The following NR3C2 variants were observed in gnomAD, a reference collection of about 807,000 sequenced individuals.
NR3C2 encodes the protein nuclear receptor subfamily 3 group C member 2, also known as mineralocorticoid receptor.
A neutral mutation model predicts 86.4 loss-of-function variants in NR3C2; 15 were observed. The observed-to-expected ratio is 0.17, with a 90% CI of 0.12 to 0.27. The LOEUF (loss-of-function observed/expected upper bound fraction) is 0.27, where lower values mean the gene tolerates loss of function less well. NR3C2 is among the 10% of genes least tolerant of loss of function. NR3C2 has a pLI of 1.00. For missense variants in NR3C2, 960 were observed against 1,195.6 expected (o/e 0.80, Z 2.91); for synonymous variants, 458 against 450.5 (o/e 1.02, Z -0.21).
chr4:148,104,291 T>C (rs1731677190), intron 8 of NR3C2, among the ~76,000 whole-genome samples: 1 of 149,612 alleles, frequency 6.7e-6, no homozygotes, highest in Non-Finnish European at 1.5e-5. Context: ...CCTATGAAGA[T>C]GTCCTTTTCA....
At chr4:148,352,915 C>A (rs569264942) in intron 2 of NR3C2, among the ~76,000 whole-genome samples, 1 of 151,942 alleles carries the variant, frequency 6.6e-6, no homozygotes, top group East Asian at 1.9e-4. Context: ...AACACATTTT[C>A]TAAAATAACA....
chr4:148,130,948 C>A (rs192491743), intron 6 of NR3C2, among the ~76,000 whole-genome samples: 1 of 151,490 alleles, frequency 6.6e-6, no homozygotes, highest in Non-Finnish European at 1.5e-5. Context: ...CTCAGCCTCC[C>A]GAGTAGCCGG....
At chr4:148,288,249 A>G (rs1442895690) in intron 2 of NR3C2, among the ~76,000 whole-genome samples, 1 of 152,240 alleles carries the variant, frequency 6.6e-6, no homozygotes, top group African/African-American at 2.4e-5. Flanking sequence ...TACCTACCTC[A>G]TAAGGATCTA....
chr4:148,209,927 G>A (rs1247602504), intron 3 of NR3C2, among the ~76,000 whole-genome samples: 2 of 152,154 alleles, frequency 1.3e-5, no homozygotes, highest in African/African-American at 4.8e-5. Context: ...GGGCACCATT[G>A]CTGCGTTTCT....
chr4:148,289,063 A>C (rs1741671781), intron 2 of NR3C2, among the ~76,000 whole-genome samples: 1 of 152,158 alleles, frequency 6.6e-6, no homozygotes, highest in Admixed American at 6.6e-5. Context: ...GTGGTTTTTG[A>C]GTGGGTCTTT....
chr4:148,353,723 T>A (rs1745412913), intron 2 of NR3C2, among the ~76,000 whole-genome samples: 1 of 152,176 alleles, frequency 6.6e-6, no homozygotes, highest in Non-Finnish European at 1.5e-5. Flanking sequence ...AGACCATCAC[T>A]GCTGCTCAGA....
intron 2 of NR3C2, among the ~76,000 whole-genome samples, chr4:148,428,865 C>G (rs1240449250): frequency 6.6e-6 from 1 of 152,180 alleles, no homozygotes; most frequent in Non-Finnish European, 1.5e-5. Context: ...TGCACTTCCT[C>G]TCCTGCCATG....
At chr4:148,443,239 AAAAAAAAAAAAAAAAGAG>A (rs1750440248), upstream of NR3C2, among the ~76,000 whole-genome samples, 1 of 125,344 alleles carries the variant, frequency 8.0e-6, no homozygotes, top group Non-Finnish European at 2.0e-5. Context: ...AAAAAAAAAA[AAAAAAAAAAAAAAAAGAG>A]AGAGAGAGAA....
intron 2 of NR3C2, among the ~76,000 whole-genome samples, chr4:148,401,461 CTTTT>C (rs397881130): frequency 8.6e-5 from 10 of 116,906 alleles, no homozygotes; most frequent in South Asian, 3.0e-4. Context: ...AAAGTTGTCT[CTTTT>C]TTTTTTTTTT....
At chr4:148,390,383 G>GAA (rs1346128962) in intron 2 of NR3C2, among the ~76,000 whole-genome samples, 2 of 152,070 alleles carry the variant, frequency 1.3e-5, no homozygotes, top group African/African-American at 4.8e-5. Context: ...ATTCTCAGGT[G>GAA]AAAACATGCC....
rs113386836 is a variant in NR3C2 at position 148,233,651 on chromosome 4, T to C, written c.1897+26327A>G. Among the ~76,000 whole-genome samples, 1,194 of 152,230 alleles carry C rather than the reference T, an allele frequency of 7.8e-3. 16 individuals carry two copies. The highest frequency in any genetic ancestry group is 0.011 in the Non-Finnish European group (737 of 68,016). ...CTCAACTCAATTGGGCTAATTTCAA[T>C]ATGTTGTGTCTCAGGGAACAGCAAC... On this transcript the variant is annotated intron_variant, in intron 3 of 8. Transcript: ENST00000358102.
At chr4:148,205,763 G>A (rs924777158) in intron 3 of NR3C2, among the ~76,000 whole-genome samples, 6 of 152,230 alleles carry the variant, frequency 3.9e-5, no homozygotes, top group Non-Finnish European at 8.8e-5. Flanking sequence ...AACTATTTTC[G>A]CCTCAGAAAT....
Position 148,120,272 on chromosome 4 carries a change from A to C in NR3C2, c.2527T>G (p.Ser843Ala). The change falls in exon 7 of 9, where the codon TCT becomes GCT. Residue 843 changes from serine to alanine, a missense_variant. Physicochemically the swap from Ser to Ala is moderately conservative, Grantham distance 99 (BLOSUM62 1). Around this residue, in one of 4 missense-constraint regions of NR3C2, gnomAD observed 151 missense variants for 296.3 expected, o/e 0.51. Transcript: ENST00000358102. ...CCCTGGCATAGTTCATACATGGCAG[A>C]CTGATGCATCTTCTCTCTGCAAAGG... Reference protein sequence around the residue: ...LVFNEEKMHQSAMYELCQGMH... With the variant: ...LVFNEEKMHQAAMYELCQGMH... 1 of 1,614,134 alleles carries C rather than the reference A, an allele frequency of 6.2e-7. No homozygotes were observed. Among genetic ancestry groups the C allele is most frequent in the East Asian group, 2.2e-5 (1 of 44,880 alleles).
intron 8 of NR3C2, among the ~76,000 whole-genome samples, chr4:148,101,900 A>C (rs554855539): frequency 6.6e-6 from 1 of 151,618 alleles, no homozygotes; most frequent in East Asian, 1.9e-4. Context: ...AAAAAAATGG[A>C]CTGCTGTCCC....
At chr4:148,165,690 A>G (rs1001891654) in intron 4 of NR3C2, among the ~76,000 whole-genome samples, 2 of 152,182 alleles carry the variant, frequency 1.3e-5, no homozygotes, top group African/African-American at 4.8e-5. Flanking sequence ...AAACTATTAA[A>G]ATTGCTTAGT....
intron 3 of NR3C2, among the ~76,000 whole-genome samples, chr4:148,197,978 C>A (rs1191136842): frequency 6.6e-6 from 1 of 151,948 alleles, no homozygotes; most frequent in Admixed American, 6.6e-5. Flanking sequence ...GTTGGGGCAG[C>A]TTTTTGGGCA....
chr4:148,145,662 G>A (rs1021695002), intron 6 of NR3C2, among the ~76,000 whole-genome samples: 11 of 152,182 alleles, frequency 7.2e-5, no homozygotes, highest in African/African-American at 2.4e-4. Context: ...GGCAGCACTT[G>A]TGCCACCTGC....
At chr4:148,364,942 A>C (rs987360009) in intron 2 of NR3C2, among the ~76,000 whole-genome samples, 2 of 151,952 alleles carry the variant, frequency 1.3e-5, no homozygotes, top group Non-Finnish European at 2.9e-5. Flanking sequence ...AGCTAATTTT[A>C]CACAATATTT....
chr4:148,366,480 TCA>T (rs1746146907), intron 2 of NR3C2, among the ~76,000 whole-genome samples: 2 of 19,360 alleles, frequency 1.0e-4, no homozygotes, highest in African/African-American at 2.2e-4. Flanking sequence ...TAAAAAGTAC[TCA>T]GCACTTTTAA....
Sources: gnomAD v4.1 joint callset for allele counts (sites outside exome capture counted in the v4.1 genomes callset) on GRCh38, gnomAD v4.1.1 for gene constraint, gnomAD v4.1.1 regional missense constraint, MANE v1.5 for transcripts, NCBI Gene and HGNC (gene_info 2026-07-23, HGNC 2026-07-21) for gene names.